The following MYOM1 variants were observed in gnomAD, a reference collection of about 807,000 sequenced individuals.
MYOM1 encodes the protein myomesin 1, also known as myomesin-1.
Under a neutral mutation model 205.3 loss-of-function variants are expected in MYOM1, and 164 were observed. The ratio of observed to expected loss-of-function variants is 0.80; its 90% CI spans 0.70 to 0.91. MYOM1 has a LOEUF of 0.91. Among genes scored for constraint, MYOM1 ranks in the 40% least tolerant of loss-of-function variants. The pLI is 0.00. For synonymous variants in MYOM1, 772 were observed against 789.4 expected (o/e 0.98, Z 0.37); for missense variants, 2,011 against 2,127.3 (o/e 0.95, Z 1.08).
At chr18:3,217,774 G>C (rs1953930991) in intron 1 of MYOM1, among the ~76,000 whole-genome samples, 1 of 152,132 alleles carries the variant, frequency 6.6e-6, no homozygotes, top group Non-Finnish European at 1.5e-5. Context: ...CCTGAGCCCA[G>C]GAGTTTGAGA....
At chr18:3,072,467 C>A (rs1386444720) in intron 36 of MYOM1, among the ~76,000 whole-genome samples, 4 of 149,494 alleles carry the variant, frequency 2.7e-5, no homozygotes, top group Non-Finnish European at 5.9e-5. Context: ...GATTCTCCTG[C>A]CTCAGCCTCC....
At position 3,191,313 on chromosome 18, in the gene MYOM1, G is replaced by A. The variant is rs76357965; in HGVS notation, c.432-2226C>T. Reference sequence around the variant, plus strand: ...AAATGGTATTTTCCAGAAGCACACTGTGAGTGCAGAGGGCATGTCCACTGC... The same window carrying A: ...AAATGGTATTTTCCAGAAGCACACTATGAGTGCAGAGGGCATGTCCACTGC... On this transcript the variant is annotated intron_variant, in intron 3 of 37. Transcript: ENST00000356443. Among the ~76,000 whole-genome samples the A allele has an allele frequency of 1.9e-3, 296 of 152,356 alleles. 2 individuals carry two copies. The highest frequency in any genetic ancestry group is 0.01 in the Middle Eastern group (3 of 294).
intron 14 of MYOM1, among the ~76,000 whole-genome samples, chr18:3,139,548 C>T (rs914458112): frequency 6.6e-6 from 1 of 152,180 alleles, no homozygotes; most frequent in African/African-American, 2.4e-5. Context: ...GGGACAGGAG[C>T]ACACAGACCT....
chr18:3,109,037 G>A (rs187108639), intron 22 of MYOM1, among the ~76,000 whole-genome samples: 36 of 151,736 alleles, frequency 2.4e-4, no homozygotes, highest in African/African-American at 8.5e-4. Context: ...CTGGAGTGCA[G>A]TGATGTGATC....
intron 20 of MYOM1, among the ~76,000 whole-genome samples, chr18:3,117,104 G>A (rs1289272573): frequency 6.6e-6 from 1 of 152,150 alleles, no homozygotes; most frequent in Non-Finnish European, 1.5e-5. Context: ...TGGTTCTTCT[G>A]CCTCAGCCTC....
At chr18:3,130,060 T>TG (rs1208422170) in intron 17 of MYOM1, among the ~76,000 whole-genome samples, 10 of 151,830 alleles carry the variant, frequency 6.6e-5, no homozygotes, top group African/African-American at 1.9e-4. Flanking sequence ...TCTTTTTTTT[T>TG]TTTTTGGAGT....
intron 10 of MYOM1, among the ~76,000 whole-genome samples, chr18:3,163,884 G>A (rs2144047092): frequency 6.8e-6 from 1 of 147,920 alleles, no homozygotes; most frequent in Middle Eastern, 3.6e-3. Context: ...ACGGGGTCTT[G>A]TTCTATCACC....
intron 23 of MYOM1, among the ~76,000 whole-genome samples, chr18:3,101,941 C>T (rs903121385): frequency 6.6e-6 from 1 of 151,000 alleles, no homozygotes; most frequent in African/African-American, 2.4e-5. Flanking sequence ...CTGCCTCAGC[C>T]TCCTGAGTTG....
At chr18:3,234,358 GA>G in the MYOM1 span, among the ~76,000 whole-genome samples, 1 of 152,142 alleles carries the variant, frequency 6.6e-6, no homozygotes. Flanking sequence ...ACCGTACTAG[GA>G]TGTTAAGCAT....
chr18:3,106,638 A>G (rs919365147), intron 22 of MYOM1, among the ~76,000 whole-genome samples: 3 of 152,200 alleles, frequency 2.0e-5, no homozygotes, highest in Admixed American at 6.5e-5. Flanking sequence ...CCTGGGCAAC[A>G]AAATGAGACT....
intron 14 of MYOM1, among the ~76,000 whole-genome samples, chr18:3,140,831 A>G (rs191053245): frequency 1.9e-3 from 283 of 152,328 alleles, no homozygotes; most frequent in African/African-American, 6.6e-3. Context: ...TTGCTATGAA[A>G]CTAAAATGTA....
chr18:3,227,132 C>T, the MYOM1 span, among the ~76,000 whole-genome samples: 6 of 152,082 alleles, frequency 3.9e-5, no homozygotes, highest in Non-Finnish European at 5.9e-5. Context: ...AAATAGATAT[C>T]TGGTATGATA....
At chr18:3,081,762 G>A (rs1270732610) in intron 33 of MYOM1, among the ~76,000 whole-genome samples, 1 of 152,140 alleles carries the variant, frequency 6.6e-6, no homozygotes, top group African/African-American at 2.4e-5. Flanking sequence ...TAAGCCCCAA[G>A]CATTCTACAT....
chr18:3,197,606 G>A (rs867480361), intron 2 of MYOM1, among the ~76,000 whole-genome samples: 10 of 152,072 alleles, frequency 6.6e-5, no homozygotes, highest in Admixed American at 5.9e-4. Flanking sequence ...GGGCGCGGTG[G>A]CTCACGCCTG....
At chr18:3,124,268 C>A (rs2079742768) in intron 19 of MYOM1, among the ~76,000 whole-genome samples, 1 of 150,712 alleles carries the variant, frequency 6.6e-6, no homozygotes, top group Non-Finnish European at 1.5e-5. Flanking sequence ...GATACCCCTG[C>A]AGAATAGCAG....
chr18:3,181,214 C>T (rs1465735104), intron 5 of MYOM1, among the ~76,000 whole-genome samples: 1 of 152,156 alleles, frequency 6.6e-6, no homozygotes, highest in East Asian at 1.9e-4. Flanking sequence ...GCATGAACCA[C>T]CACGCCCGGC....
chr18:3,072,591 T>C (rs1239965376), intron 36 of MYOM1, among the ~76,000 whole-genome samples: 1 of 151,866 alleles, frequency 6.6e-6, no homozygotes, highest in Non-Finnish European at 1.5e-5. Context: ...GGACCTCAAG[T>C]GATCTGCCCG....
chr18:3,244,469 A>G, the MYOM1 span, among the ~76,000 whole-genome samples: 1 of 152,184 alleles, frequency 6.6e-6, no homozygotes, highest in Non-Finnish European at 1.5e-5. Context: ...CCCTAATTCC[A>G]TTAACACTGA....
At chr18:3,208,592 A>G (rs2081155029) in intron 2 of MYOM1, among the ~76,000 whole-genome samples, 1 of 152,092 alleles carries the variant, frequency 6.6e-6, no homozygotes, top group Admixed American at 6.5e-5. Context: ...TTTCATAGAT[A>G]TTTCCCTCTG....
Sources: gnomAD v4.1 joint callset for allele counts (sites outside exome capture counted in the v4.1 genomes callset) on GRCh38, gnomAD v4.1.1 for gene constraint, MANE v1.5 for transcripts, NCBI Gene and HGNC (gene_info 2026-07-23, HGNC 2026-07-21) for gene names.